Variants in GNAL observed in about 807,000 individuals in gnomAD.
GNAL encodes the protein G protein subunit alpha L.
A neutral mutation model predicts 55.1 loss-of-function variants in GNAL; 18 were observed. The observed-to-expected ratio is 0.33, with a 90% CI of 0.23 to 0.48. The LOEUF (loss-of-function observed/expected upper bound fraction) is 0.48, where lower values mean the gene tolerates loss of function less well. Among genes scored for constraint, GNAL ranks in the 20% least tolerant of loss-of-function variants. The pLI, the probability that GNAL is intolerant of heterozygous loss-of-function variation, is 0.99. For synonymous variants in GNAL, 253 were observed against 237.0 expected (o/e 1.07, Z -0.62); for missense variants, 412 against 614.1 (o/e 0.67, Z 3.48).
intron 5 of GNAL, among the ~76,000 whole-genome samples, chr18:11,827,974 G>GAA (rs561574635): frequency 1.7e-5 from 2 of 118,702 alleles, no homozygotes; most frequent in Admixed American, 9.3e-5. Context: ...CCGTCTCAAG[G>GAA]AAAAAAAAAA....
chr18:11,885,166 T>C lies in GNAL; in HGVS notation c.*4031T>C, dbSNP rs2037002645. 1 of 721,132 alleles carries C rather than the reference T, an allele frequency of 1.4e-6. No homozygotes were observed. The highest frequency in any genetic ancestry group is 1.9e-6 in the Non-Finnish European group (1 of 525,710). 44.7% of individuals were successfully genotyped at this position (721,132 alleles called of 1,614,324 possible). A position where few individuals can be genotyped will look rare whatever the true frequency, so the allele number is the denominator to read the frequency against. On this transcript the variant is annotated 3_prime_UTR_variant, in exon 12 of 12. Coordinates refer to ENST00000334049, the MANE Select transcript of GNAL (RefSeq NM_182978.4). The stretch of plus-strand genomic sequence containing the variant: ...TGAAAATGTTAGGGTTTCCTCCACC[T>C]TTTTATGAAGTAAAAGAACCTGTCG...
chr18:11,880,347 T>C (rs541397429), intron 11 of GNAL, among the ~76,000 whole-genome samples: 5 of 149,752 alleles, frequency 3.3e-5, no homozygotes, highest in Admixed American at 2.0e-4. Context: ...GGTGGGCGGA[T>C]CACTTGAGGT....
intron 1 of GNAL, chr18:11,746,251 C>A (rs2032685424): frequency 4.4e-6 from 2 of 454,668 alleles, no homozygotes; most frequent in Non-Finnish European, 8.7e-6. Context: ...TGGAGAAGCT[C>A]TTCTCAGGTT....
intron 1 of GNAL, among the ~76,000 whole-genome samples, chr18:11,748,844 G>A (rs1220904220): frequency 6.6e-6 from 1 of 151,986 alleles, no homozygotes; most frequent in African/African-American, 2.4e-5. Context: ...ACATTTTCTG[G>A]CCAGGCGCAG....
chr18:11,689,974 G>A (rs1260676030), intron 1 of GNAL, 35 bp downstream of exon 1: 44 of 1,192,298 alleles, frequency 3.7e-5, no homozygotes, highest in Non-Finnish European at 4.5e-5. Context: ...TGACGCCCCG[G>A]GGACAGCGCG....
chr18:11,827,097 A>C (rs540738593), intron 5 of GNAL, among the ~76,000 whole-genome samples: 49 of 152,276 alleles, frequency 3.2e-4, no homozygotes, highest in African/African-American at 1.1e-3. Flanking sequence ...GTAAGATTGT[A>C]CTTAACCTCC....
At chr18:11,738,362 C>T (rs565937503) in intron 1 of GNAL, among the ~76,000 whole-genome samples, 1 of 152,118 alleles carries the variant, frequency 6.6e-6, no homozygotes, top group Admixed American at 6.5e-5. Flanking sequence ...CAGGCCAGGT[C>T]TGCTGTGGGC....
chr18:11,809,102 A>G (rs1036762465), intron 4 of GNAL, among the ~76,000 whole-genome samples: 8 of 152,150 alleles, frequency 5.3e-5, no homozygotes, highest in African/African-American at 1.4e-4. Flanking sequence ...TACCTAAAAA[A>G]CAAAAATTAG....
chr18:11,867,399 C>A (rs1203030396), intron 8 of GNAL, among the ~76,000 whole-genome samples, 173 bp downstream of exon 8: 1 of 152,116 alleles, frequency 6.6e-6, no homozygotes, highest in Non-Finnish European at 1.5e-5. Context: ...CATTTAAGGG[C>A]CTGACACGGT....
At chr18:11,836,732 A>T (rs752743756) in intron 5 of GNAL, among the ~76,000 whole-genome samples, 1 of 44,586 alleles carries the variant, frequency 2.2e-5, no homozygotes, top group Non-Finnish European at 4.9e-5. Flanking sequence ...CCTAAAGATT[A>T]TGAGAGACTA....
chr18:11,759,816 C>G lies in GNAL; in HGVS notation c.624+5871C>G, dbSNP rs749498953. ...TCTCCAGAATGCGGTCAGATTCTTC[C>G]GCACAATATCTGTGTTCCCTCTCCA... is the stretch of plus-strand genomic sequence containing the variant. On this transcript the variant is annotated intron_variant, in intron 4 of 11. Coordinates refer to ENST00000334049, the MANE Select transcript of GNAL (RefSeq NM_182978.4). Among the ~76,000 whole-genome samples the G allele has an allele frequency of 3.9e-5, 6 of 152,204 alleles. No individual in the cohort carries two copies. The South Asian group carries it at 1.0e-3, about 26-fold the overall frequency.
chr18:11,715,700 GC>G (rs891069214), intron 1 of GNAL, among the ~76,000 whole-genome samples: 2 of 151,968 alleles, frequency 1.3e-5, no homozygotes, highest in African/African-American at 4.8e-5. Context: ...TAAGCCACAG[GC>G]CCATGGTCAA....
intron 5 of GNAL, among the ~76,000 whole-genome samples, chr18:11,858,471 T>A (rs779749492): frequency 6.6e-6 from 1 of 152,238 alleles, no homozygotes; most frequent in African/African-American, 2.4e-5. Flanking sequence ...CCCTTTAAAA[T>A]GTAATCATAT....
chr18:11,838,338 A>G (rs1190806909), intron 5 of GNAL, among the ~76,000 whole-genome samples: 1 of 152,206 alleles, frequency 6.6e-6, no homozygotes, highest in African/African-American at 2.4e-5. Context: ...ATTTATATGA[A>G]ATGTCCAGAA....
chr18:11,824,701 A>ATAAAT (rs5823175), intron 4 of GNAL, among the ~76,000 whole-genome samples: 3 of 151,636 alleles, frequency 2.0e-5, no homozygotes, highest in African/African-American at 4.8e-5. Context: ...AAAAAAACAA[A>ATAAAT]AAACTTTTGC....
chr18:11,747,747 T>C (rs2032722571), intron 1 of GNAL, among the ~76,000 whole-genome samples: 1 of 151,680 alleles, frequency 6.6e-6, no homozygotes, highest in Non-Finnish European at 1.5e-5. Flanking sequence ...TGAGACATCC[T>C]GTATGTCTTA....
intron 4 of GNAL, among the ~76,000 whole-genome samples, chr18:11,787,108 C>T (rs2034083967): frequency 6.6e-6 from 1 of 152,062 alleles, no homozygotes; most frequent in South Asian, 2.1e-4. Context: ...TGTTCTAGGG[C>T]TTATGGTTTA....
chr18:11,760,968 A>G (rs953373881), intron 4 of GNAL, among the ~76,000 whole-genome samples: 7 of 152,210 alleles, frequency 4.6e-5, no homozygotes, highest in African/African-American at 1.7e-4. Context: ...GTTAATATCT[A>G]AAACAGTGGC....
At position 11,689,619 on chromosome 18, in the gene GNAL, C is replaced by G; in HGVS notation, c.56C>G (p.Pro19Arg). 7.4e-7 allele frequency: 1 copy of G among 1,358,014 alleles called. No homozygotes were observed. Among genetic ancestry groups the G allele is most frequent in the Non-Finnish European group, 9.4e-7 (1 of 1,065,896 alleles). The allele number at this position is 1,358,014 out of a possible 1,614,324, so 84.1% of individuals were successfully genotyped here. ...CTTTTCGGGGGCCCAGGGGACGACCCCTGCGCGGCCTCGGAGCCGCCGGTG... is the reference window on the plus strand; with the variant it reads ...CTTTTCGGGGGCCCAGGGGACGACCGCTGCGCGGCCTCGGAGCCGCCGGTG... ...PLLFGGPGDD[P>R]CAASEPPVED... The change falls in exon 1 of 12, where the codon CCC becomes CGC. Residue 19 changes from proline to arginine, a missense_variant. Pro to Arg is a moderately radical substitution (Grantham distance 103). Transcript: ENST00000334049.
Sources: gnomAD v4.1 joint callset for allele counts (sites outside exome capture counted in the v4.1 genomes callset) on GRCh38, gnomAD v4.1.1 for gene constraint, MANE v1.5 for transcripts, NCBI Gene and HGNC (gene_info 2026-07-23, HGNC 2026-07-21) for gene names.